SHANK2: variants seen among roughly 807,000 people sequenced by gnomAD.
SHANK2 encodes SH3 and multiple ankyrin repeat domains protein 2.
In SHANK2, 43 loss-of-function variants were observed where a neutral mutation model predicts 133.7. The ratio of observed to expected loss-of-function variants is 0.32; its 90% CI spans 0.25 to 0.41. The LOEUF is 0.41. SHANK2 is among the 10% of genes least tolerant of loss of function. The pLI is 1.00. For missense variants in SHANK2, 1,994 were observed against 2,235.8 expected (o/e 0.89, Z 2.18); for synonymous variants, 1,017 against 952.8 (o/e 1.07, Z -1.24).
chr11:70,556,264 T>C (rs1410319214), intron 17 of SHANK2, among the ~76,000 whole-genome samples: 2 of 152,260 alleles, frequency 1.3e-5, no homozygotes, highest in Non-Finnish European at 2.9e-5. Flanking sequence ...TCTGAATATA[T>C]CACAGTTTGT....
chr11:71,085,560 T>A (rs1359735558), intron 8 of SHANK2, among the ~76,000 whole-genome samples: 3 of 59,990 alleles, frequency 5.0e-5, no homozygotes, highest in Non-Finnish European at 9.5e-5. Context: ...CATATTATAT[T>A]ATATAAAATA....
chr11:70,605,545 T>C (rs1043962944), intron 17 of SHANK2, among the ~76,000 whole-genome samples: 1 of 152,236 alleles, frequency 6.6e-6, no homozygotes, highest in Non-Finnish European at 1.5e-5. Context: ...GATTTCTTAA[T>C]GGCCGGCTGC....
chr11:71,065,852 A>G (rs1951048225), intron 9 of SHANK2, among the ~76,000 whole-genome samples: 2 of 93,660 alleles, frequency 2.1e-5, no homozygotes, highest in African/African-American at 4.1e-5. Context: ...GAACTCTCCC[A>G]GGGAGATGAG....
chr11:71,222,153 T>A (rs1410281079), intron 2 of SHANK2, among the ~76,000 whole-genome samples: 1 of 72,018 alleles, frequency 1.4e-5, no homozygotes, highest in African/African-American at 5.4e-5. Context: ...AGCACCACCA[T>A]CCTGCCTCCA....
intron 8 of SHANK2, among the ~76,000 whole-genome samples, chr11:71,084,951 G>C (rs1297346023): frequency 6.6e-6 from 1 of 152,076 alleles, no homozygotes; most frequent in Non-Finnish European, 1.5e-5. Flanking sequence ...AAATTGCTAC[G>C]GGTCCTATAC....
At chr11:70,649,400 C>G (rs1005620638) in intron 17 of SHANK2, among the ~76,000 whole-genome samples, 3 of 152,178 alleles carry the variant, frequency 2.0e-5, no homozygotes, top group Admixed American at 2.0e-4. Context: ...AGCTCTAACT[C>G]CCCTTCTCAT....
In SHANK2 at chr11:70,675,362, T is replaced by C. The variant is rs577563777; in HGVS notation, c.1854-13684A>G. Among the ~76,000 whole-genome samples the C allele has an allele frequency of 2.9e-4, 44 of 152,330 alleles. No homozygotes were observed. The South Asian group carries it at 8.3e-3, about 29-fold the overall frequency. On this transcript the variant is annotated intron_variant, in intron 15 of 25. Coordinates refer to ENST00000601538, the MANE Select transcript of SHANK2 (RefSeq NM_012309.5). ...TAATTGAATCCTCATAATGACCGTA[T>C]GAGGCAGGAGCTGTGATGACGCTCA...
At position 70,640,560 on chromosome 11, in the gene SHANK2, T is replaced by C. The variant is rs368103870; in HGVS notation, c.2061+19268A>G. Among the ~76,000 whole-genome samples, 19 of 152,332 alleles carry C rather than the reference T, an allele frequency of 1.2e-4. No individual in the cohort carries two copies. The South Asian group carries it at 3.7e-3, about 30-fold the overall frequency. ...CATTTGTGACAGCGGCCTCAGGACA[T>C]GAATACAGCTATGCTTCAGAGAGGA... On this transcript the variant is annotated intron_variant, in intron 17 of 25. Coordinates refer to ENST00000601538, the MANE Select transcript of SHANK2 (RefSeq NM_012309.5).
intron 17 of SHANK2, among the ~76,000 whole-genome samples, chr11:70,559,088 G>A (rs1554980278): frequency 6.6e-6 from 1 of 151,374 alleles, no homozygotes; most frequent in East Asian, 1.9e-4. Flanking sequence ...GTGTGATCTC[G>A]GCTCACTGCA....
At chr11:70,614,736 G>A (rs782347630) in intron 17 of SHANK2, among the ~76,000 whole-genome samples, 5 of 152,240 alleles carry the variant, frequency 3.3e-5, no homozygotes, top group African/African-American at 4.8e-5. Context: ...TGCTGTGAGA[G>A]CAAGGATGAC....
chr11:70,710,371 C>A (rs943938111), intron 14 of SHANK2, among the ~76,000 whole-genome samples: 2 of 152,200 alleles, frequency 1.3e-5, no homozygotes, highest in Non-Finnish European at 2.9e-5. Context: ...CCCACTGCCC[C>A]CTCTCGGCTA....
intron 10 of SHANK2, among the ~76,000 whole-genome samples, chr11:70,920,264 T>C (rs1296515531): frequency 6.6e-6 from 1 of 152,220 alleles, no homozygotes; most frequent in Non-Finnish European, 1.5e-5. Flanking sequence ...TGTATGCATG[T>C]ATGCATGTAT....
intron 2 of SHANK2, among the ~76,000 whole-genome samples, chr11:71,192,168 C>T (rs533290271): frequency 2.6e-5 from 4 of 152,320 alleles, no homozygotes; most frequent in Non-Finnish European, 4.4e-5. Flanking sequence ...GCCTTCATCT[C>T]ATCTTCTTAT....
chr11:70,806,870 A>G, intron 13 of SHANK2, 132 bp downstream of exon 13: 1 of 602,264 alleles, frequency 1.7e-6, no homozygotes, highest in Non-Finnish European at 3.0e-6. Context: ...TCTGTTCCCC[A>G]TTCCTGCCCT....
At chr11:70,607,962 C>T (rs2060601928) in intron 17 of SHANK2, among the ~76,000 whole-genome samples, 1 of 152,328 alleles carries the variant, frequency 6.6e-6, no homozygotes, top group East Asian at 1.9e-4. Context: ...AGCAGCTGCT[C>T]ATTTCCACAG....
chr11:70,505,583 C>T (rs80189919), intron 17 of SHANK2, among the ~76,000 whole-genome samples: 1 of 152,100 alleles, frequency 6.6e-6, no homozygotes. Flanking sequence ...CTGCTCTGGG[C>T]GGGCCCCCAG....
chr11:71,236,516 G>A (rs186725587), intron 1 of SHANK2, among the ~76,000 whole-genome samples: 6 of 152,312 alleles, frequency 3.9e-5, no homozygotes, highest in Non-Finnish European at 8.8e-5. Context: ...AGAGACTGAG[G>A]CAGGAGAATT....
At chr11:71,093,252 G>A (rs1555094566) in intron 7 of SHANK2, among the ~76,000 whole-genome samples, 1 of 152,180 alleles carries the variant, frequency 6.6e-6, no homozygotes, top group African/African-American at 2.4e-5. Flanking sequence ...TTGCGGAAGA[G>A]AGAAAAGGTG....
At chr11:71,125,566 G>A (rs1952166381) in intron 3 of SHANK2, among the ~76,000 whole-genome samples, 1 of 152,218 alleles carries the variant, frequency 6.6e-6, no homozygotes, top group Non-Finnish European at 1.5e-5. Flanking sequence ...GAGAAAGGCT[G>A]GAAACCAGCA....
Sources: allele counts gnomAD v4.1 joint callset (sites outside exome capture counted in the v4.1 genomes callset), GRCh38; gene constraint gnomAD v4.1.1; transcripts MANE v1.5; gene names NCBI Gene and HGNC (gene_info 2026-07-23, HGNC 2026-07-21).